The following PLXNC1 variants were observed in gnomAD, a reference collection of about 807,000 sequenced individuals.
The protein encoded by PLXNC1 is plexin C1.
In PLXNC1, 75 loss-of-function variants were observed where a neutral mutation model predicts 178.2. The observed-to-expected ratio is 0.42, with a 90% CI of 0.35 to 0.51. The LOEUF is 0.51. PLXNC1 is among the 20% of genes least tolerant of loss of function. PLXNC1 has a pLI of 0.02. For synonymous variants in PLXNC1, 790 were observed against 779.9 expected (o/e 1.01, Z -0.22); for missense variants, 1,503 against 1,984.4 (o/e 0.76, Z 4.61).
chr12:94,269,572 T>A (rs1238595077), intron 21 of PLXNC1, among the ~76,000 whole-genome samples: 1 of 152,224 alleles, frequency 6.6e-6, no homozygotes. Context: ...TTGCAGAAGA[T>A]CCATTAGCCC....
Position 94,169,203 on chromosome 12 carries a change from G to C in PLXNC1, c.1113G>C (p.Leu371Phe). ...TCCAACCAATCGCATCATCTACCTTGATCCATTCCGACCTGACATCCGTTT... is the reference window on the plus strand; with the variant it reads ...TCCAACCAATCGCATCATCTACCTTCATCCATTCCGACCTGACATCCGTTT... ...ERVQPIASST[L>F]IHSDLTSVYG... The change falls in exon 2 of 31, where the codon TTG becomes TTC. Residue 371 changes from leucine (L) to phenylalanine (F), a missense_variant. By Grantham distance (22) the Leu-to-Phe change is conservative. Transcript: ENST00000258526. 6.2e-7 allele frequency: 1 copy of C among 1,613,870 alleles called. No individual in the cohort carries two copies. Among genetic ancestry groups the C allele is most frequent in the Non-Finnish European group, 8.5e-7 (1 of 1,179,780 alleles).
At chr12:94,156,477 C>CTTTTTTT (rs33995488) in intron 1 of PLXNC1, among the ~76,000 whole-genome samples, 1 of 140,176 alleles carries the variant, frequency 7.1e-6, no homozygotes. Flanking sequence ...CACTGTCTAT[C>CTTTTTTT]TTTTTTTTTT....
At chr12:94,263,044 G>A (rs577805355) in intron 20 of PLXNC1, among the ~76,000 whole-genome samples, 2 of 152,252 alleles carry the variant, frequency 1.3e-5, no homozygotes, top group African/African-American at 2.4e-5. Flanking sequence ...AATCTGCCCT[G>A]GTCTGTTAAA....
chr12:94,303,919 A>T, intron 29 of PLXNC1, 23 bp downstream of exon 29: 1 of 1,607,684 alleles, frequency 6.2e-7, no homozygotes, highest in Admixed American at 1.7e-5. Flanking sequence ...AGCAGAAATA[A>T]GCTTATATTT....
chr12:94,155,694 C>T (rs1333161259), intron 1 of PLXNC1, among the ~76,000 whole-genome samples: 1 of 152,182 alleles, frequency 6.6e-6, no homozygotes, highest in Non-Finnish European at 1.5e-5. Flanking sequence ...TAATTAGCTC[C>T]TTCACTCTTG....
chr12:94,254,919 C>A, intron 16 of PLXNC1, 31 bp downstream of exon 16: 3 of 1,517,108 alleles, frequency 2.0e-6, no homozygotes, highest in Non-Finnish European at 2.7e-6. Context: ...TGTAGAAAAA[C>A]AAGCCTTTTA....
intron 5 of PLXNC1, among the ~76,000 whole-genome samples, chr12:94,219,807 A>T (rs761574073): frequency 5.3e-3 from 247 of 46,710 alleles, no homozygotes; most frequent in African/African-American, 0.028. Flanking sequence ...TTATATTTTT[A>T]TTTATTTATT....
intron 1 of PLXNC1, among the ~76,000 whole-genome samples, chr12:94,163,009 C>T (rs1961447525): frequency 6.6e-6 from 1 of 152,140 alleles, no homozygotes; most frequent in Non-Finnish European, 1.5e-5. Context: ...GAGGAGCCAT[C>T]CCATGTAGAA....
At chr12:94,195,574 C>G (rs1371688591) in intron 4 of PLXNC1, among the ~76,000 whole-genome samples, 1 of 152,220 alleles carries the variant, frequency 6.6e-6, no homozygotes, top group African/African-American at 2.4e-5. Context: ...GGCCCCCAGG[C>G]ATGCTGCTTA....
intron 21 of PLXNC1, among the ~76,000 whole-genome samples, chr12:94,276,369 C>T (rs988105108): frequency 1.3e-5 from 2 of 152,030 alleles, no homozygotes; most frequent in Non-Finnish European, 1.5e-5. Flanking sequence ...TCACACCCAC[C>T]CCTCCCACTG....
At chr12:94,181,171 G>A (rs1183207031) in intron 2 of PLXNC1, among the ~76,000 whole-genome samples, 2 of 151,846 alleles carry the variant, frequency 1.3e-5, no homozygotes, top group Non-Finnish European at 2.9e-5. Flanking sequence ...AGGCTGAGGC[G>A]GGTGGATCAC....
intron 1 of PLXNC1, among the ~76,000 whole-genome samples, chr12:94,165,264 G>A (rs769705042): frequency 6.6e-6 from 1 of 152,192 alleles, no homozygotes; most frequent in Non-Finnish European, 1.5e-5. Context: ...ACTTTTGTGA[G>A]GACGTTTCTC....
intron 10 of PLXNC1, 36 bp downstream of exon 10, chr12:94,237,839 G>C (rs375728920): frequency 6.2e-7 from 1 of 1,603,066 alleles, no homozygotes. Flanking sequence ...CCTCGGTAAC[G>C]TAACGCTCAA....
At chr12:94,218,872 A>T (rs1963715308) in intron 5 of PLXNC1, among the ~76,000 whole-genome samples, 1 of 152,204 alleles carries the variant, frequency 6.6e-6, no homozygotes, top group South Asian at 2.1e-4. Flanking sequence ...ATTATCTAAC[A>T]ATATTAGCAA....
intron 1 of PLXNC1, among the ~76,000 whole-genome samples, chr12:94,156,056 T>C (rs1961156129): frequency 6.6e-6 from 1 of 152,090 alleles, no homozygotes; most frequent in South Asian, 2.1e-4. Flanking sequence ...TGTGGGACTG[T>C]AGACAAATTA....
intron 28 of PLXNC1, 45 bp from the exon 29 acceptor site, chr12:94,303,711 T>TAA: frequency 1.9e-5 from 22 of 1,169,768 alleles, no homozygotes; most frequent in Non-Finnish European, 2.3e-5. Context: ...TTTTTTTTTT[T>TAA]TACTCTTTTG....
intron 5 of PLXNC1, among the ~76,000 whole-genome samples, chr12:94,210,412 G>C (rs1204150721): frequency 6.6e-6 from 1 of 152,206 alleles, no homozygotes; most frequent in Non-Finnish European, 1.5e-5. Context: ...GCTATAAGGA[G>C]GCATTTTCTC....
chr12:94,240,698 TGGTTAAA>T, intron 11 of PLXNC1, 34 bp downstream of exon 11: 1 of 1,499,238 alleles, frequency 6.7e-7, no homozygotes, highest in Non-Finnish European at 9.2e-7. Flanking sequence ...TTTCTCATTG[TGGTTAAA>T]GGTCATATGC....
intron 2 of PLXNC1, among the ~76,000 whole-genome samples, chr12:94,177,747 T>C (rs912232737): frequency 6.6e-6 from 1 of 152,214 alleles, no homozygotes; most frequent in East Asian, 1.9e-4. Flanking sequence ...TCTGTATCAA[T>C]GATGCTCCAA....
Sources: allele counts gnomAD v4.1 joint callset (sites outside exome capture counted in the v4.1 genomes callset), GRCh38; gene constraint gnomAD v4.1.1; transcripts MANE v1.5; gene names NCBI Gene and HGNC (gene_info 2026-07-23, HGNC 2026-07-21).